BICRA: variants seen among roughly 807,000 people sequenced by gnomAD.
The protein encoded by BICRA is BRD4 interacting chromatin remodeling complex associated protein, also known as BRD4-interacting chromatin-remodeling complex-associated protein.
Under a neutral mutation model 96.9 loss-of-function variants are expected in BICRA, and 31 were observed. The ratio of observed to expected loss-of-function variants is 0.32; its 90% CI spans 0.24 to 0.43. BICRA has a LOEUF of 0.43. BICRA is among the 20% of genes least tolerant of loss of function. The pLI is 1.00. For synonymous variants in BICRA, 1,350 were observed against 1,071.8 expected, an observed-to-expected ratio of 1.26 and a Z score of -5.07; for missense variants, 2,283 against 2,190.3, an observed-to-expected ratio of 1.04 and a Z score of -0.84.
intron 1 of BICRA, among the ~76,000 whole-genome samples, chr19:47,625,926 C>T (rs533541942): frequency 2.6e-5 from 4 of 152,124 alleles, no homozygotes; most frequent in South Asian, 4.1e-4. Context: ...CATGGAGAGG[C>T]GCCTTTTGTT....
At chr19:47,657,844 T>A (rs924032409) in intron 1 of BICRA, among the ~76,000 whole-genome samples, 1 of 152,094 alleles carries the variant, frequency 6.6e-6, no homozygotes, top group Non-Finnish European at 1.5e-5. Context: ...GGACAAGATG[T>A]CTAGGAGAAG....
chr19:47,680,086 G>A lies in BICRA; in HGVS notation c.916G>A (p.Val306Met). The change falls in exon 6 of 15, where the codon GTG (valine) becomes ATG (methionine). Residue 306 changes from valine (V) to methionine (M), a missense_variant. Physicochemically the swap from Val to Met is conservative, Grantham distance 21. Transcript: ENST00000594866. ...AVATTLNGNSVFGGAGAASAP... is the reference protein window; with the variant it reads ...AVATTLNGNSMFGGAGAASAP... ...GGCCACCACGCTCAATGGGAACTCT[G>A]TGTTCGGAGGCGCGGGGGCCGCCTC... The A allele has an allele frequency of 1.3e-6, 2 of 1,558,940 alleles. No homozygotes were observed. Among genetic ancestry groups the A allele is most frequent in the Admixed American group, 1.9e-5 (1 of 53,360 alleles).
Position 47,670,855 on chromosome 19 carries a change from T to C in BICRA, c.-6+311T>C, listed in dbSNP as rs114207463. ...GGGGAGGGAAGGGGCTCATAGGTCA[T>C]GGACCTGGTGACACAGGGGGAGGAA... On this transcript the variant is annotated intron_variant, in intron 2 of 14. Transcript: ENST00000594866. Among the ~76,000 whole-genome samples, 985 of 152,212 alleles carry C rather than the reference T, an allele frequency of 6.5e-3. 6 individuals carry two copies. The highest frequency in any genetic ancestry group is 0.022 in the African/African-American group (932 of 41,552).
chr19:47,612,994 G>C (rs1223982176), intron 1 of BICRA, among the ~76,000 whole-genome samples: 6 of 152,310 alleles, frequency 3.9e-5, no homozygotes, highest in African/African-American at 1.4e-4. Flanking sequence ...GGGACACCCA[G>C]ATCTCTCAAG....
chr19:47,672,271 G>A (rs1421132185), intron 2 of BICRA, among the ~76,000 whole-genome samples: 1 of 150,148 alleles, frequency 6.7e-6, no homozygotes, highest in Non-Finnish European at 1.5e-5. Flanking sequence ...ATGGAAGGAT[G>A]GAGGGATGGG....
chr19:47,653,015 CTT>C (rs869230602), intron 1 of BICRA, among the ~76,000 whole-genome samples: 25 of 113,700 alleles, frequency 2.2e-4, no homozygotes, highest in African/African-American at 7.3e-4. Flanking sequence ...CGTCCTCATT[CTT>C]TTTTTTTTTT....
At chr19:47,683,111 C>G (rs1244669612) in intron 7 of BICRA, among the ~76,000 whole-genome samples, 1 of 152,104 alleles carries the variant, frequency 6.6e-6, no homozygotes, top group Non-Finnish European at 1.5e-5. Flanking sequence ...GCAAAGAATG[C>G]CTTTGTATGT....
chr19:47,648,082 G>A lies in BICRA; in HGVS notation c.-107-22361G>A, dbSNP rs185406634. On this transcript the variant is annotated intron_variant, in intron 1 of 14. Transcript: ENST00000594866. ...TTTGTGGAGCGTCTGCCTTCTCTCC[G>A]TCTCCCTGTTTTCCTGTTACCGTCT... Among the ~76,000 whole-genome samples, 251 of 151,992 alleles carry A rather than the reference G, an allele frequency of 1.7e-3. 1 individual carries two copies. Among genetic ancestry groups the A allele is most frequent in the African/African-American group, 5.7e-3 (236 of 41,432 alleles).
At position 47,695,054 on chromosome 19, in the gene BICRA, C is replaced by A. The variant is rs780731808; in HGVS notation, c.3050C>A (p.Pro1017His). 6.7e-7 allele frequency: 1 copy of A among 1,498,852 alleles called. No homozygotes were observed. Among genetic ancestry groups the A allele is most frequent in the South Asian group, 1.3e-5 (1 of 78,828 alleles). The allele number at this position is 1,498,852 out of a possible 1,614,324, so 92.8% of individuals were successfully genotyped here. A position where few individuals can be genotyped will look rare whatever the true frequency, so the allele number is the denominator to read the frequency against. ...ACCCCCACTGCCCCCAGCCACGCCCCCGCCCCGGCACCCATGGCCGCCACA... is the reference window on the plus strand; with the variant it reads ...ACCCCCACTGCCCCCAGCCACGCCCACGCCCCGGCACCCATGGCCGCCACA... ...SGTPTAPSHA[P>H]APAPMAATGL... The change falls in exon 9 of 15, where the codon CCC becomes CAC. Residue 1017 changes from proline (P) to histidine (H), a missense_variant. Pro to His is a moderately conservative substitution (Grantham distance 77). Transcript: ENST00000594866.
chr19:47,617,308 CTTTTTTT>C (rs1008328213), intron 1 of BICRA, among the ~76,000 whole-genome samples: 4 of 150,570 alleles, frequency 2.7e-5, no homozygotes, highest in Non-Finnish European at 5.9e-5. Context: ...TTTCTTTTTT[CTTTTTTT>C]TTGCCATCTA....
Position 47,695,343 on chromosome 19 carries a change from CCCCCA to C in BICRA, c.3077-13_3077-9del. 1.6e-6 allele frequency: 1 copy of C among 630,242 alleles called. No individual in the cohort carries two copies. 39.0% of individuals were successfully genotyped at this position (630,242 alleles called of 1,614,324 possible). A position where few individuals can be genotyped will look rare whatever the true frequency, so the allele number is the denominator to read the frequency against. ...CATGCAGTGACCGCAGGCCCTGTCT[CCCCCA>C]CCCCACCCACCCCCAGGCCTCCCTC... On this transcript the variant is annotated splice_polypyrimidine_tract_variant and intron_variant, in intron 9 of 14. Coordinates refer to ENST00000594866, the MANE Select transcript of BICRA (RefSeq NM_001394372.1).
Position 47,681,153 on chromosome 19 carries a change from C to G in BICRA, c.1983C>G (p.Ala661=). Reference sequence around the variant, plus strand: ...CACAGGCCGCCGCCCCGCCTCAGGCCACCACCCCCCAGCCCAGCCCTGGCC... The same window carrying G: ...CACAGGCCGCCGCCCCGCCTCAGGCGACCACCCCCCAGCCCAGCCCTGGCC... ...PTPQAAAPPQ[A]TTPQPSPGLA... is the part of the protein sequence containing the mutation. The change falls in exon 6 of 15, where the codon GCC becomes GCG. Residue 661 remains alanine (A), a synonymous_variant. Coordinates refer to ENST00000594866, the MANE Select transcript of BICRA (RefSeq NM_001394372.1). 6.6e-7 allele frequency: 1 copy of G among 1,519,618 alleles called. No homozygotes were observed. The highest frequency in any genetic ancestry group is 8.8e-7 in the Non-Finnish European group (1 of 1,133,462). The allele number at this position is 1,519,618 out of a possible 1,614,324, so 94.1% of individuals were successfully genotyped here. A position where few individuals can be genotyped will look rare whatever the true frequency, so the allele number is the denominator to read the frequency against.
Position 47,670,513 on chromosome 19 carries a change from C to T in BICRA, c.-37C>T, listed in dbSNP as rs1266892219. 6.6e-6 allele frequency: 1 copy of T among 152,134 alleles called. No individual in the cohort carries two copies. The highest frequency in any genetic ancestry group is 1.5e-5 in the Non-Finnish European group (1 of 68,026). 9.4% of individuals were successfully genotyped at this position (152,134 alleles called of 1,614,324 possible). A position where few individuals can be genotyped will look rare whatever the true frequency, so the allele number is the denominator to read the frequency against. On this transcript the variant is annotated 5_prime_UTR_variant, in exon 2 of 15. Transcript: ENST00000594866. Reference sequence around the variant, plus strand: ...GTGTAGACCTGGAGTGGACACGCCCCTCCTTCCCTTCATGATTCGTTTGTA... The same window carrying T: ...GTGTAGACCTGGAGTGGACACGCCCTTCCTTCCCTTCATGATTCGTTTGTA...
rs1303068396 is a variant in BICRA at position 47,681,066 on chromosome 19, C to T, written c.1896C>T (p.Ser632=). 3.5e-6 allele frequency: 5 copies of T among 1,423,402 alleles called. No homozygotes were observed. The highest frequency in any genetic ancestry group is 4.6e-6 in the Non-Finnish European group (5 of 1,090,954). The allele number at this position is 1,423,402 out of a possible 1,614,324, so 88.2% of individuals were successfully genotyped here. The change falls in exon 6 of 15, where the codon AGC becomes AGT. Residue 632 remains serine (S), a synonymous_variant. Transcript: ENST00000594866. ...QPAPQAPPAV[S]TPLPLGLQQP... Reference sequence around the variant, plus strand: ...CCCCCCAGGCGCCCCCCGCGGTCAGCACACCCCTGCCCCTGGGCCTCCAGC... The same window carrying T: ...CCCCCCAGGCGCCCCCCGCGGTCAGTACACCCCTGCCCCTGGGCCTCCAGC...
intron 1 of BICRA, among the ~76,000 whole-genome samples, chr19:47,653,968 T>G (rs4802380): frequency 0.47 from 71,767 of 151,924 alleles, 17,643 homozygotes; most frequent in East Asian, 0.77. Flanking sequence ...GAGTAGCTGG[T>G]ATTACAAGCG....
At chr19:47,677,756 A>C (rs1433429591) in intron 5 of BICRA, among the ~76,000 whole-genome samples, 5 of 152,262 alleles carry the variant, frequency 3.3e-5, no homozygotes, top group Non-Finnish European at 5.9e-5. Context: ...ACAGAAGTTC[A>C]CAAATGGGAG....
chr19:47,682,897 C>T (rs1293558444), intron 7 of BICRA, among the ~76,000 whole-genome samples: 10 of 152,130 alleles, frequency 6.6e-5, no homozygotes, highest in Non-Finnish European at 1.2e-4. Flanking sequence ...GTCTTGAACT[C>T]CAGACCTCAA....
chr19:47,675,923 G>C lies in BICRA; in HGVS notation c.150+7G>C. 6.3e-7 allele frequency: 1 copy of C among 1,596,738 alleles called. No individual in the cohort carries two copies. Among genetic ancestry groups the C allele is most frequent in the African/African-American group, 1.3e-5 (1 of 74,682 alleles). On this transcript the variant is annotated splice_region_variant and intron_variant, in intron 5 of 14. Transcript: ENST00000594866. The surrounding 1 kb of genome is among the most constrained non-coding windows in gnomAD (Gnocchi z 4.7). ...CTTCTATGAAGGTCCTGGGGTAAGT[G>C]CCGTGGCTCCCGATCATTGCCTGAG...
chr19:47,683,559 A>G (rs1477503179), intron 7 of BICRA, among the ~76,000 whole-genome samples: 1 of 151,272 alleles, frequency 6.6e-6, no homozygotes, highest in East Asian at 1.9e-4. Flanking sequence ...CTTACGAGTC[A>G]TAACATAACA....
Sources: gnomAD v4.1 joint callset for allele counts (sites outside exome capture counted in the v4.1 genomes callset) on GRCh38, gnomAD v4.1.1 for gene constraint, Gnocchi (gnomAD v3.1) non-coding constraint, MANE v1.5 for transcripts, NCBI Gene and HGNC (gene_info 2026-07-23, HGNC 2026-07-21) for gene names.